The following FHIT variants were observed in gnomAD, a reference collection of about 807,000 sequenced individuals.
FHIT encodes the protein bis(5'-adenosyl)-triphosphatase.
In FHIT, 19 loss-of-function variants were observed where a neutral mutation model predicts 17.9. That is an observed-to-expected ratio of 1.06 (90% CI 0.74 to 1.56). The LOEUF is 1.56. FHIT is among the 40% of genes most tolerant of loss of function. The pLI is 0.00. For missense variants in FHIT, 248 were observed against 189.2 expected, an observed-to-expected ratio of 1.31 and a Z score of -1.82; for synonymous variants, 81 against 69.7, an observed-to-expected ratio of 1.16 and a Z score of -0.81.
chr3:60,353,103 A>G (rs1699490593), intron 5 of FHIT, among the ~76,000 whole-genome samples: 1 of 152,182 alleles, frequency 6.6e-6, no homozygotes, highest in Non-Finnish European at 1.5e-5. Context: ...TCCTAAAAAA[A>G]TTTCAAGGTG....
chr3:60,378,639 A>T (rs965896067), intron 5 of FHIT, among the ~76,000 whole-genome samples: 3 of 152,240 alleles, frequency 2.0e-5, no homozygotes, highest in Non-Finnish European at 2.9e-5. Flanking sequence ...CAGATTTAAC[A>T]TGTCAAACTA....
intron 4 of FHIT, among the ~76,000 whole-genome samples, chr3:60,711,411 C>T (rs577619098): frequency 1.3e-5 from 2 of 152,302 alleles, no homozygotes; most frequent in Non-Finnish European, 2.9e-5. Flanking sequence ...AGCAATGGAA[C>T]AAAGCTGGAC....
At chr3:60,130,207 T>C (rs1289468402) in intron 5 of FHIT, among the ~76,000 whole-genome samples, 3 of 152,228 alleles carry the variant, frequency 2.0e-5, no homozygotes, top group Non-Finnish European at 4.4e-5. Context: ...AGCTGTGTGA[T>C]ACGTGCCATG....
chr3:59,804,270 G>A (rs776540404), intron 8 of FHIT, among the ~76,000 whole-genome samples: 9 of 152,114 alleles, frequency 5.9e-5, no homozygotes, highest in Non-Finnish European at 4.4e-5. Context: ...GCCAGGCGTC[G>A]GTCAAGTTTG....
intron 5 of FHIT, among the ~76,000 whole-genome samples, chr3:60,025,663 T>C (rs923699150): frequency 1.3e-5 from 2 of 151,854 alleles, no homozygotes; most frequent in East Asian, 3.9e-4. Context: ...TAAAGATGAT[T>C]GTGTGATCCA....
chr3:60,364,660 G>A lies in FHIT; in HGVS notation c.103+172200C>T, dbSNP rs145981796. 2.5e-3 allele frequency among the ~76,000 whole-genome samples: 385 copies of A among 152,324 alleles called. 1 individual carries two copies. Among genetic ancestry groups the A allele is most frequent in the South Asian group, 0.012 (58 of 4,830 alleles). On this transcript the variant is annotated intron_variant, in intron 5 of 9. Transcript: ENST00000492590. ...CTATGTGCCAATTTGACTGAGCTAA[G>A]AGATGCCCAGATAACTGATAAACAT...
rs376467204 is a variant in FHIT at position 59,866,426 on chromosome 3, T to A, written c.348+55920A>T. Among the ~76,000 whole-genome samples the A allele has an allele frequency of 5.0e-4, 76 of 151,498 alleles. 5 individuals carry two copies. In the East Asian group the frequency reaches 5.2e-3, roughly 10 times the overall value. On this transcript the variant is annotated intron_variant, in intron 8 of 9. Coordinates refer to ENST00000492590, the MANE Select transcript of FHIT (RefSeq NM_002012.4). The stretch of plus-strand genomic sequence containing the variant: ...GGGCATTCCAGACTCAAACAAGGAG[T>A]TTGGGTGTCATTGTGTAGTGGTTGG...
chr3:60,748,823 A>G (rs182183557), intron 4 of FHIT, among the ~76,000 whole-genome samples: 1 of 152,288 alleles, frequency 6.6e-6, no homozygotes, highest in East Asian at 1.9e-4. Flanking sequence ...AACAACAACA[A>G]CAAAAATCAT....
chr3:60,548,941 T>C (rs1246533929), intron 4 of FHIT, among the ~76,000 whole-genome samples: 1 of 152,234 alleles, frequency 6.6e-6, no homozygotes, highest in Non-Finnish European at 1.5e-5. Flanking sequence ...GTATCTTCTT[T>C]CCAATTCATT....
intron 5 of FHIT, among the ~76,000 whole-genome samples, chr3:60,519,869 G>C (rs2107562022): frequency 6.6e-6 from 1 of 152,218 alleles, no homozygotes; most frequent in South Asian, 2.1e-4. Context: ...AACCATGAGA[G>C]ATCACTTTTT....
chr3:60,850,789 T>TAAGAAAATC (rs1276636882), intron 3 of FHIT, among the ~76,000 whole-genome samples: 3 of 152,158 alleles, frequency 2.0e-5, no homozygotes, highest in Admixed American at 6.5e-5. Flanking sequence ...GTCTTTATCT[T>TAAGAAAATC]ATAAATTTCT....
chr3:59,896,750 T>A (rs1366885798), intron 8 of FHIT, among the ~76,000 whole-genome samples: 1 of 152,216 alleles, frequency 6.6e-6, no homozygotes, highest in Admixed American at 6.5e-5. Flanking sequence ...GTGTTTTCCT[T>A]TTATAATTTT....
chr3:60,441,755 AAAAT>A, intron 5 of FHIT, among the ~76,000 whole-genome samples: 1 of 96,560 alleles, frequency 1.0e-5, no homozygotes, highest in African/African-American at 3.8e-5. Context: ...TATATATATA[AAAAT>A]ATATATATAT....
At chr3:60,312,054 G>A (rs1352669353) in intron 5 of FHIT, among the ~76,000 whole-genome samples, 1 of 152,156 alleles carries the variant, frequency 6.6e-6, no homozygotes, top group Non-Finnish European at 1.5e-5. Flanking sequence ...AAAAATCTGA[G>A]TACTTAGCAT....
At chr3:60,213,534 G>A (rs1278621023) in intron 5 of FHIT, among the ~76,000 whole-genome samples, 2 of 152,154 alleles carry the variant, frequency 1.3e-5, no homozygotes, top group African/African-American at 2.4e-5. Context: ...CATACAGGAT[G>A]GGGAAGGAGC....
At chr3:60,900,114 AGG>A (rs1553762846) in intron 3 of FHIT, among the ~76,000 whole-genome samples, 3 of 152,298 alleles carry the variant, frequency 2.0e-5, no homozygotes, top group Non-Finnish European at 4.4e-5. Context: ...ATACTTTGTG[AGG>A]TCAGAAAGGC....
At chr3:60,858,766 T>C (rs1553750626) in intron 3 of FHIT, among the ~76,000 whole-genome samples, 1 of 152,166 alleles carries the variant, frequency 6.6e-6, no homozygotes, top group Non-Finnish European at 1.5e-5. Flanking sequence ...TTCTTGAAAG[T>C]CTGTGGCATT....
Position 60,382,244 on chromosome 3 carries a change from G to A in FHIT, c.103+154616C>T, listed in dbSNP as rs757043405. Reference sequence around the variant, plus strand: ...ACATCTCTTGCGGACATAGAATTGCGGAGTGGTGCCCACATACACCAAACA... The same window carrying A: ...ACATCTCTTGCGGACATAGAATTGCAGAGTGGTGCCCACATACACCAAACA... On this transcript the variant is annotated intron_variant, in intron 5 of 9. Coordinates refer to ENST00000492590, the MANE Select transcript of FHIT (RefSeq NM_002012.4). 3.9e-5 allele frequency among the ~76,000 whole-genome samples: 6 copies of A among 152,326 alleles called. No homozygotes were observed. In the South Asian group the frequency reaches 6.2e-4, roughly 16 times the overall value.
intron 7 of FHIT, among the ~76,000 whole-genome samples, chr3:59,942,189 G>A (rs897397950): frequency 3.9e-5 from 6 of 152,072 alleles, no homozygotes; most frequent in Admixed American, 6.6e-5. Context: ...ACCTTTCACC[G>A]TATCTTGCTC....
Sources: allele counts gnomAD v4.1 joint callset (sites outside exome capture counted in the v4.1 genomes callset), GRCh38; gene constraint gnomAD v4.1.1; transcripts MANE v1.5; gene names NCBI Gene and HGNC (gene_info 2026-07-23, HGNC 2026-07-21).